ITPR1: variants seen among roughly 807,000 people sequenced by gnomAD.
The protein encoded by ITPR1 is inositol 1,4,5-trisphosphate-gated calcium channel ITPR1.
Under a neutral mutation model 318.4 loss-of-function variants are expected in ITPR1, and 96 were observed. That is an observed-to-expected ratio of 0.30 (90% CI 0.26 to 0.36). The LOEUF is 0.36. Ranked by LOEUF, ITPR1 falls within the 10% of genes least tolerant of loss-of-function variation. The probability of loss-of-function intolerance (pLI) is 1.00; values close to 1 mark genes in which losing one functional copy is unlikely to be tolerated. For missense variants in ITPR1, 2,440 were observed against 3,460.2 expected, an observed-to-expected ratio of 0.71 and a Z score of 7.40; for synonymous variants, 1,312 against 1,289.9, an observed-to-expected ratio of 1.02 and a Z score of -0.37.
chr3:4,691,936 G>A (rs1043184101), intron 32 of ITPR1, among the ~76,000 whole-genome samples: 1 of 152,194 alleles, frequency 6.6e-6, no homozygotes, highest in African/African-American at 2.4e-5. Flanking sequence ...AGCATCACTT[G>A]AGGCCAGGAG....
chr3:4,661,940 A>G, intron 14 of ITPR1, 142 bp from the exon 15 acceptor site: 1 of 622,752 alleles, frequency 1.6e-6, no homozygotes, highest in Non-Finnish European at 2.7e-6. Context: ...ACGTCCTTGT[A>G]GATTTTTTTC....
chr3:4,521,046 G>A lies in ITPR1; in HGVS notation c.115G>A (p.Val39Ile). 1.9e-6 allele frequency: 3 copies of A among 1,613,606 alleles called. No individual in the cohort carries two copies. The highest frequency in any genetic ancestry group is 2.5e-6 in the Non-Finnish European group (3 of 1,179,584). Residue 39 changes from valine (V) to isoleucine (I), a missense_variant, in exon 4 of 62, where the codon GTA (valine) becomes ATA (isoleucine). Physicochemically the swap from Val to Ile is conservative, Grantham distance 29 (BLOSUM62 3). Transcript: ENST00000649015. ...CAGCCTGGTTGATGATCGTTGTGTT[G>A]TACAGCCAGAAACCGGGGACCTTAA... ...TLGLVDDRCV[V>I]QPETGDLNNP...
intron 5 of ITPR1, among the ~76,000 whole-genome samples, chr3:4,636,209 T>C (rs1237727712): frequency 6.6e-6 from 1 of 152,216 alleles, no homozygotes; most frequent in African/African-American, 2.4e-5. Context: ...TGAATTAAAT[T>C]TGATATTTGT....
intron 14 of ITPR1, among the ~76,000 whole-genome samples, chr3:4,661,714 T>C (rs1374397671): frequency 6.6e-6 from 1 of 152,230 alleles, no homozygotes; most frequent in African/African-American, 2.4e-5. Context: ...AATGGTGCAG[T>C]GTCTATCCTT....
rs114061400 is a variant in ITPR1, at chr3:4,498,269, G to T, written c.-17+3763G>T. 8.2e-3 allele frequency among the ~76,000 whole-genome samples: 1,243 copies of T among 152,318 alleles called. 13 individuals are homozygous for T. Among genetic ancestry groups the T allele is most frequent in the African/African-American group, 0.028 (1,174 of 41,556 alleles). On this transcript the variant is annotated intron_variant, in intron 2 of 61. Coordinates refer to ENST00000649015, the MANE Select transcript of ITPR1 (RefSeq NM_001378452.1). ...GGTATTAAGGGAGTACTCAGGTGGG[G>T]ATTAGATCTTTACTACATGACATCT...
At chr3:4,804,214 T>A (rs1269682153) in intron 54 of ITPR1, among the ~76,000 whole-genome samples, 1 of 152,076 alleles carries the variant, frequency 6.6e-6, no homozygotes, top group East Asian at 1.9e-4. Flanking sequence ...ATGGAATGTA[T>A]GGGAGAGGGA....
chr3:4,748,525 T>G (rs2044269414), intron 44 of ITPR1, among the ~76,000 whole-genome samples: 1 of 152,176 alleles, frequency 6.6e-6, no homozygotes, highest in Non-Finnish European at 1.5e-5. Flanking sequence ...TCACAATTGT[T>G]AGAGGAGAGC....
chr3:4,753,136 G>A (rs1273079750), intron 44 of ITPR1, among the ~76,000 whole-genome samples: 1 of 152,238 alleles, frequency 6.6e-6, no homozygotes, highest in Non-Finnish European at 1.5e-5. Context: ...TTGTGCTTGG[G>A]ATGTTGGAGG....
At chr3:4,692,699 G>T (rs1035238123) in intron 32 of ITPR1, among the ~76,000 whole-genome samples, 1 of 152,208 alleles carries the variant, frequency 6.6e-6, no homozygotes, top group Admixed American at 6.5e-5. Context: ...GTTATAAACA[G>T]GAATGCCTCA....
chr3:4,709,926 T>G (rs2041227554), intron 37 of ITPR1, among the ~76,000 whole-genome samples: 1 of 152,242 alleles, frequency 6.6e-6, no homozygotes, highest in Non-Finnish European at 1.5e-5. Flanking sequence ...TATTTGATGT[T>G]TATCCTTTAG....
intron 5 of ITPR1, among the ~76,000 whole-genome samples, chr3:4,629,707 T>G (rs532568967): frequency 2.6e-5 from 4 of 152,326 alleles, no homozygotes; most frequent in African/African-American, 9.6e-5. Flanking sequence ...CAGTGATAAG[T>G]ACTATATTAC....
intron 44 of ITPR1, among the ~76,000 whole-genome samples, chr3:4,744,884 C>G (rs1284000083): frequency 6.7e-6 from 1 of 149,970 alleles, no homozygotes; most frequent in Non-Finnish European, 1.5e-5. Context: ...CTTCCTCCCT[C>G]TCTGTCTCCC....
In ITPR1 at chr3:4,693,522, C is replaced by G. The variant is rs748187005; in HGVS notation, c.4062C>G (p.Phe1354Leu). 3 of 1,613,964 alleles carry G rather than the reference C, an allele frequency of 1.9e-6. No individual in the cohort carries two copies. The Admixed American group carries it at 5.0e-5, about 27-fold the overall frequency. The change falls in exon 33 of 62, where the codon TTC becomes TTG. Residue 1354 changes from phenylalanine (F) to leucine (L), a missense_variant. By Grantham distance (22) the Phe-to-Leu change is conservative (BLOSUM62 0). Transcript: ENST00000649015. ...LVNSGEDVLVFYNDRASFQTL... is the reference protein window; with the variant it reads ...LVNSGEDVLVLYNDRASFQTL... Reference sequence around the variant, plus strand: ...ATTCGGGAGAGGATGTCCTCGTGTTCTACAACGACAGAGCCTCTTTCCAGA... The same window carrying G: ...ATTCGGGAGAGGATGTCCTCGTGTTGTACAACGACAGAGCCTCTTTCCAGA...
At chr3:4,770,096 G>C (rs2046090907) in intron 46 of ITPR1, among the ~76,000 whole-genome samples, 1 of 152,202 alleles carries the variant, frequency 6.6e-6, no homozygotes. Flanking sequence ...AGCCGTGGTA[G>C]TTCTGTGTAC....
In ITPR1 at chr3:4,766,606, T is replaced by G. The variant is rs143093165; in HGVS notation, c.5621T>G (p.Val1874Gly). 3.2e-3 allele frequency: 5,163 copies of G among 1,613,754 alleles called. 21 individuals are homozygous for G. Among genetic ancestry groups the G allele is most frequent in the South Asian group, 7.7e-3 (697 of 91,066 alleles). Residue 1874 changes from valine to glycine, a missense_variant, in exon 45 of 62, where the codon GTG becomes GGG. Physicochemically the swap from Val to Gly is moderately radical, Grantham distance 109. This residue lies in a region of ITPR1 where 80 missense variants were observed against 122.0 expected (regional missense o/e 0.66). Transcript: ENST00000649015. ...AAGGTGTTTTATGACCGGATGAAGGTGGCCCAGCAAGAAATCAAAGCAACA... is the reference window on the plus strand; with the variant it reads ...AAGGTGTTTTATGACCGGATGAAGGGGGCCCAGCAAGAAATCAAAGCAACA... ...FFKVFYDRMKVAQQEIKATVT... is the reference protein window; with the variant it reads ...FFKVFYDRMKGAQQEIKATVT...
rs760324429 is a variant in ITPR1 at position 4,699,807 on chromosome 3, T to G, written c.4408-6T>G. 3 of 1,613,792 alleles carry G rather than the reference T, an allele frequency of 1.9e-6. No homozygotes were observed. The highest frequency in any genetic ancestry group is 2.2e-5 in the East Asian group (1 of 44,878). ...GTAATGCTTAACATACCCACTTGTC[T>G]TCCAGGCCTGTAACAACACTAGTGA... On this transcript the variant is annotated splice_region_variant and splice_polypyrimidine_tract_variant and intron_variant, in intron 34 of 61. Transcript: ENST00000649015.
At chr3:4,730,800 G>C (rs2042877166) in intron 42 of ITPR1, among the ~76,000 whole-genome samples, 1 of 152,188 alleles carries the variant, frequency 6.6e-6, no homozygotes, top group African/African-American at 2.4e-5. Flanking sequence ...AGAGATGTGT[G>C]TTTGTTGACT....
rs566219495 is a variant in ITPR1 at position 4,829,968 on chromosome 3, T to G, written c.8029-6806T>G. 3.2e-4 allele frequency among the ~76,000 whole-genome samples: 33 copies of G among 104,296 alleles called. 1 individual carries two copies. In the East Asian group the frequency reaches 5.6e-3, roughly 18 times the overall value. The allele number at this position is 104,296 out of a possible 152,430, so 68.4% of individuals were successfully genotyped here. A position where few individuals can be genotyped will look rare whatever the true frequency, so the allele number is the denominator to read the frequency against. On this transcript the variant is annotated intron_variant, in intron 60 of 61. Transcript: ENST00000649015. Reference sequence around the variant, plus strand: ...CATGTATAACAGTTTTTTTTTTTTTTTTTTTTTTTTTGTGTGTGTGTGTGA... The same window carrying G: ...CATGTATAACAGTTTTTTTTTTTTTGTTTTTTTTTTTGTGTGTGTGTGTGA...
chr3:4,845,845 A>C (rs1168445022), intron 61 of ITPR1, among the ~76,000 whole-genome samples: 3 of 152,194 alleles, frequency 2.0e-5, no homozygotes, highest in East Asian at 3.8e-4. Context: ...TTGGAAGTGC[A>C]TTTGGGAAAC....
Sources: gnomAD v4.1 joint callset for allele counts (sites outside exome capture counted in the v4.1 genomes callset) on GRCh38, gnomAD v4.1.1 for gene constraint, gnomAD v4.1.1 regional missense constraint, MANE v1.5 for transcripts, NCBI Gene and HGNC (gene_info 2026-07-23, HGNC 2026-07-21) for gene names.